TRAF3IP3: variants seen among roughly 807,000 people sequenced by gnomAD.
The protein encoded by TRAF3IP3 is TRAF3-interacting JNK-activating modulator.
A neutral mutation model predicts 86.5 loss-of-function variants in TRAF3IP3; 64 were observed. That is an observed-to-expected ratio of 0.74 (90% CI 0.60 to 0.91). The LOEUF (loss-of-function observed/expected upper bound fraction) is 0.91, where lower values mean the gene tolerates loss of function less well. Among genes scored for constraint, TRAF3IP3 ranks in the 40% least tolerant of loss-of-function variants. TRAF3IP3 has a pLI of 0.00. For synonymous variants in TRAF3IP3, 220 were observed against 243.9 expected (o/e 0.90, Z 0.91); for missense variants, 579 against 642.9 (o/e 0.90, Z 1.07).
Position 209,782,127 on chromosome 1 carries a change from T to A in TRAF3IP3, c.1635T>A (p.Asn545Lys), listed in dbSNP as rs1246074818. ...IAAALAVFLA[N>K]KDNLMI Reference sequence around the variant, plus strand: ...CAGCACTGGCAGTGTTCCTGGCCAATAAAGACAACCTGATGATCTGAATAA... The same window carrying A: ...CAGCACTGGCAGTGTTCCTGGCCAAAAAAGACAACCTGATGATCTGAATAA... Residue 545 changes from asparagine to lysine, a missense_variant, in exon 17 of 17, where the codon AAT (asparagine) becomes AAA (lysine). By Grantham distance (94) the Asn-to-Lys change is moderately conservative. Transcript: ENST00000367025. 6.2e-7 allele frequency: 1 copy of A among 1,614,074 alleles called. No individual in the cohort carries two copies. Among genetic ancestry groups the A allele is most frequent in the African/African-American group, 1.3e-5 (1 of 75,050 alleles).
chr1:209,779,641 T>G, intron 14 of TRAF3IP3: 1 of 606,466 alleles, frequency 1.6e-6, no homozygotes. Flanking sequence ...TTCAATAAAT[T>G]TATTTTGAAC....
intron 3 of TRAF3IP3, 42 bp downstream of exon 3, chr1:209,760,426 C>T (rs2077226501): frequency 6.7e-7 from 1 of 1,489,632 alleles, no homozygotes; most frequent in Non-Finnish European, 9.0e-7. Flanking sequence ...GCTCTGGGAC[C>T]CTCTCTGGAC....
chr1:209,761,363 C>T (rs1435881895), intron 3 of TRAF3IP3, among the ~76,000 whole-genome samples: 1 of 152,180 alleles, frequency 6.6e-6, no homozygotes, highest in Admixed American at 6.5e-5. Context: ...TTGGCAAAAA[C>T]CAGGGTATGC....
rs1309902997 is a variant in TRAF3IP3, at chr1:209,775,387, G to C, written c.813G>C (p.Glu271Asp). The change falls in exon 10 of 17, where the codon GAG (glutamate) becomes GAC (aspartate). Residue 271 changes from glutamate to aspartate, a missense_variant. By Grantham distance (45) the Glu-to-Asp change is conservative. Coordinates refer to ENST00000367025, the MANE Select transcript of TRAF3IP3 (RefSeq NM_025228.4). ...GGGGAATGAAAAAAGTACTACTGGA[G>C]ATGGAAGACCAGAAAAACAGCTATG... is the stretch of plus-strand genomic sequence containing the variant. ...SPWGMKKVLL[E>D]MEDQKNSYEQ... 6.2e-7 allele frequency: 1 copy of C among 1,614,070 alleles called. No homozygotes were observed.
intron 5 of TRAF3IP3, 83 bp from the exon 6 acceptor site, chr1:209,762,985 G>A (rs2077273873): frequency 6.9e-6 from 11 of 1,586,392 alleles, no homozygotes; most frequent in Non-Finnish European, 9.5e-6. Flanking sequence ...CACCCTACTG[G>A]CTCTTCAGAA....
At chr1:209,779,219 C>T in intron 13 of TRAF3IP3, 96 bp from the exon 14 acceptor site, 1 of 955,466 alleles carries the variant, frequency 1.0e-6, no homozygotes, top group Non-Finnish European at 1.6e-6. Context: ...CAGATGGGAA[C>T]ATATTTAATA....
chr1:209,778,055 C>G (rs41303303), intron 12 of TRAF3IP3, 56 bp from the exon 13 acceptor site: 76,877 of 1,447,800 alleles, frequency 0.053, 2,452 homozygotes, highest in Middle Eastern at 0.065. Context: ...ATCCTAAGTA[C>G]TGAGTTCATT....
chr1:209,770,788 T>C (rs1193031243), intron 8 of TRAF3IP3, among the ~76,000 whole-genome samples: 3 of 135,322 alleles, frequency 2.2e-5, no homozygotes, highest in South Asian at 2.5e-4. Flanking sequence ...GAGGTGTGTG[T>C]GTGTGCATAT....
Position 209,756,610 on chromosome 1 carries a change from C to CT in TRAF3IP3, c.-160+305dup, listed in dbSNP as rs553381359. On this transcript the variant is annotated intron_variant, in intron 1 of 16. Transcript: ENST00000367025. ...GTGATATGGGCATGAATTAAATGAC[C>CT]TTTTACAGTTTTCTTCAAAGCAGGG... Among the ~76,000 whole-genome samples, 376 of 152,212 alleles carry CT rather than the reference C, an allele frequency of 2.5e-3. 5 individuals are homozygous for CT. The highest frequency in any genetic ancestry group is 8.7e-3 in the African/African-American group (362 of 41,544).
rs544161667 is a variant in TRAF3IP3, at chr1:209,770,495, G to A, written c.703-2453G>A. Among the ~76,000 whole-genome samples, 26 of 149,522 alleles carry A rather than the reference G, an allele frequency of 1.7e-4. No homozygotes were observed. The South Asian group carries it at 1.9e-3, about 11-fold the overall frequency. ...TGTGTGTGTGCATGTGGAAGTGTGCGTGTGCATGTGAAAGTATGTGTGTGC... is the reference window on the plus strand; with the variant it reads ...TGTGTGTGTGCATGTGGAAGTGTGCATGTGCATGTGAAAGTATGTGTGTGC... On this transcript the variant is annotated intron_variant, in intron 8 of 16. Coordinates refer to ENST00000367025, the MANE Select transcript of TRAF3IP3 (RefSeq NM_025228.4).
chr1:209,758,129 C>T (rs753746109), intron 1 of TRAF3IP3, among the ~76,000 whole-genome samples: 1 of 152,114 alleles, frequency 6.6e-6, no homozygotes, highest in African/African-American at 2.4e-5. Context: ...TCCATTCAGT[C>T]ATTTATAACA....
chr1:209,771,156 G>T (rs2077499844), intron 8 of TRAF3IP3, among the ~76,000 whole-genome samples: 1 of 134,320 alleles, frequency 7.4e-6, no homozygotes, highest in Non-Finnish European at 1.6e-5. Context: ...GCATGTGAAG[G>T]TTGTGTGCAT....
At chr1:209,765,347 T>C (rs906288503) in intron 8 of TRAF3IP3, among the ~76,000 whole-genome samples, 6 of 152,090 alleles carry the variant, frequency 3.9e-5, no homozygotes, top group African/African-American at 1.2e-4. Flanking sequence ...GAGTAAAATT[T>C]TTCATGCTAA....
At position 209,781,465 on chromosome 1, in the gene TRAF3IP3, G is replaced by A; in HGVS notation, c.1563+7G>A. On this transcript the variant is annotated splice_region_variant and intron_variant, in intron 16 of 16. Coordinates refer to ENST00000367025, the MANE Select transcript of TRAF3IP3 (RefSeq NM_025228.4). ...CCAGCAGCTGCCTCCCAGAGTAAGA[G>A]GGTCTCTCCTTCCCATAAAGCCCTG... 10 of 1,603,096 alleles carry A rather than the reference G, an allele frequency of 6.2e-6. No homozygotes were observed. The highest frequency in any genetic ancestry group is 8.5e-6 in the Non-Finnish European group (10 of 1,170,432).
At chr1:209,779,664 G>A (rs963155042) in intron 14 of TRAF3IP3, 32 of 602,214 alleles carry the variant, frequency 5.3e-5, no homozygotes, top group Non-Finnish European at 9.1e-5. Context: ...AGGATTTCAT[G>A]TCAATTTTTA....
chr1:209,774,578 G>GC (rs2077613649), intron 9 of TRAF3IP3, among the ~76,000 whole-genome samples: 2 of 152,178 alleles, frequency 1.3e-5, no homozygotes, highest in Non-Finnish European at 2.9e-5. Context: ...TAAAGGCAGA[G>GC]CCCCAAAAAA....
At chr1:209,763,125 C>A in intron 6 of TRAF3IP3, 33 bp downstream of exon 6, 1 of 1,603,776 alleles carries the variant, frequency 6.2e-7, no homozygotes, top group Non-Finnish European at 8.5e-7. Context: ...GGGGTCAAAT[C>A]AGAAAGTATT....
intron 3 of TRAF3IP3, among the ~76,000 whole-genome samples, chr1:209,761,521 C>G (rs2077244449): frequency 6.6e-6 from 1 of 152,150 alleles, no homozygotes; most frequent in Admixed American, 6.5e-5. Context: ...ACTAGTGGAT[C>G]TGTTATGCTC....
chr1:209,769,555 G>T (rs2102465512), intron 8 of TRAF3IP3, among the ~76,000 whole-genome samples: 1 of 152,348 alleles, frequency 6.6e-6, no homozygotes, highest in East Asian at 1.9e-4. Flanking sequence ...ACAGGAAGCT[G>T]AAAGGGTGGG....
Sources: gnomAD v4.1 joint callset for allele counts (sites outside exome capture counted in the v4.1 genomes callset) on GRCh38, gnomAD v4.1.1 for gene constraint, MANE v1.5 for transcripts, NCBI Gene and HGNC (gene_info 2026-07-23, HGNC 2026-07-21) for gene names.